SRPK2: variants seen among roughly 807,000 people sequenced by gnomAD.
SRPK2 encodes the protein SFRS protein kinase 2.
Under a neutral mutation model 90.8 loss-of-function variants are expected in SRPK2, and 21 were observed. The observed-to-expected ratio is 0.23, with a 90% CI of 0.16 to 0.33. The LOEUF (loss-of-function observed/expected upper bound fraction) is 0.33, where lower values mean the gene tolerates loss of function less well. SRPK2 is among the 10% of genes least tolerant of loss of function. The probability of loss-of-function intolerance (pLI) is 1.00; values close to 1 mark genes in which losing one functional copy is unlikely to be tolerated. For synonymous variants in SRPK2, 288 were observed against 311.1 expected (o/e 0.93, Z 0.78); for missense variants, 620 against 869.0 (o/e 0.71, Z 3.60).
At chr7:105,127,923 C>A (rs1264398749) in intron 13 of SRPK2, among the ~76,000 whole-genome samples, 1 of 152,230 alleles carries the variant, frequency 6.6e-6, no homozygotes, top group African/African-American at 2.4e-5. Flanking sequence ...AAAAGGTGCT[C>A]AGAGGCCCAA....
At position 105,251,388 on chromosome 7, in the gene SRPK2, GAGAC is replaced by G. The variant is rs368103645; in HGVS notation, c.72-47607_72-47604del. On this transcript the variant is annotated intron_variant, in intron 2 of 15. Coordinates refer to ENST00000393651, the MANE Select transcript of SRPK2 (RefSeq NM_182692.3). ...CAAGCTTTTTTCTTTTCTTTTTTTAGAGACAGGGTCTCACTATGTTACCCAGGCT... is the reference window on the plus strand; with the variant it reads ...CAAGCTTTTTTCTTTTCTTTTTTTAGAGGGTCTCACTATGTTACCCAGGCT... Among the ~76,000 whole-genome samples, 774 of 152,036 alleles carry G rather than the reference GAGAC, an allele frequency of 5.1e-3. 12 individuals carry two copies. In the East Asian group the frequency reaches 0.055, roughly 11 times the overall value.
chr7:105,388,433 C>A (rs916696485), intron 2 of SRPK2, among the ~76,000 whole-genome samples: 1 of 148,100 alleles, frequency 6.8e-6, no homozygotes, highest in East Asian at 2.0e-4. Context: ...GTCGAGGCTC[C>A]GTGATGCTAG....
intron 2 of SRPK2, among the ~76,000 whole-genome samples, chr7:105,237,226 T>C (rs1484319880): frequency 1.3e-5 from 2 of 152,230 alleles, no homozygotes; most frequent in Non-Finnish European, 2.9e-5. Flanking sequence ...TGCCAGATGA[T>C]TTTTTATTTT....
chr7:105,200,570 C>G (rs1795426063), intron 3 of SRPK2, among the ~76,000 whole-genome samples: 2 of 151,992 alleles, frequency 1.3e-5, no homozygotes, highest in Admixed American at 1.3e-4. Flanking sequence ...TAACTCTCAA[C>G]AAAATACTTA....
intron 2 of SRPK2, among the ~76,000 whole-genome samples, chr7:105,285,445 T>G (rs1426660919): frequency 6.7e-6 from 1 of 149,730 alleles, no homozygotes; most frequent in Admixed American, 6.6e-5. Flanking sequence ...ATTTTAAGCA[T>G]GAAACAGTGC....
intron 2 of SRPK2, among the ~76,000 whole-genome samples, chr7:105,380,947 TA>T (rs869039181): frequency 0.4 from 41,826 of 104,008 alleles, 8,349 homozygotes; most frequent in Non-Finnish European, 0.49. Context: ...TTTATTACTT[TA>T]AAAAAAAAAA....
intron 2 of SRPK2, among the ~76,000 whole-genome samples, chr7:105,385,747 G>A (rs917224863): frequency 6.6e-6 from 1 of 152,168 alleles, no homozygotes; most frequent in Non-Finnish European, 1.5e-5. Context: ...TTCAACAGCT[G>A]GGCATGTTAC....
chr7:105,285,207 G>A (rs982005080), intron 2 of SRPK2, among the ~76,000 whole-genome samples: 9 of 151,790 alleles, frequency 5.9e-5, no homozygotes, highest in Non-Finnish European at 1.0e-4. Context: ...GCAACATAGC[G>A]AAACCCTATC....
intron 2 of SRPK2, among the ~76,000 whole-genome samples, chr7:105,348,306 G>A (rs180863404): frequency 1.1e-4 from 17 of 151,968 alleles, no homozygotes; most frequent in African/African-American, 3.9e-4. Flanking sequence ...CCTGACATCA[G>A]GTGATCCACC....
chr7:105,128,708 A>T (rs1432279073), intron 13 of SRPK2, among the ~76,000 whole-genome samples: 1 of 152,206 alleles, frequency 6.6e-6, no homozygotes, highest in Admixed American at 6.5e-5. Flanking sequence ...AATGACTTCA[A>T]TCTGGTTGCA....
intron 3 of SRPK2, 144 bp from the exon 4 acceptor site, chr7:105,169,409 T>A (rs935757410): frequency 1.6e-6 from 1 of 639,378 alleles, no homozygotes; most frequent in Non-Finnish European, 2.6e-6. Flanking sequence ...AATACAACAT[T>A]TTTTTCAGGA....
At chr7:105,324,409 G>A (rs1215031300) in intron 2 of SRPK2, among the ~76,000 whole-genome samples, 2 of 151,798 alleles carry the variant, frequency 1.3e-5, no homozygotes, top group Non-Finnish European at 2.9e-5. Flanking sequence ...TGCAACCTCT[G>A]CCTCCCAAGT....
intron 2 of SRPK2, among the ~76,000 whole-genome samples, chr7:105,222,169 G>C (rs1798173596): frequency 6.6e-6 from 1 of 152,176 alleles, no homozygotes. Flanking sequence ...CACAGTACCA[G>C]AAGTAAAACT....
chr7:105,243,772 GTTA>G (rs1801174757), intron 2 of SRPK2, among the ~76,000 whole-genome samples: 1 of 152,026 alleles, frequency 6.6e-6, no homozygotes, highest in Non-Finnish European at 1.5e-5. Context: ...TTACAAAGAT[GTTA>G]TTATCTCTAA....
chr7:105,154,196 A>G lies in SRPK2; in HGVS notation c.621+6311T>C, dbSNP rs577275229. On this transcript the variant is annotated intron_variant, in intron 7 of 15. Coordinates refer to ENST00000393651, the MANE Select transcript of SRPK2 (RefSeq NM_182692.3). ...TGTACTTCTGAATGTCATCAGGAAG[A>G]AAGTTAAAGCTGCTGTGCCCAGCAC... Among the ~76,000 whole-genome samples, 8 of 152,350 alleles carry G rather than the reference A, an allele frequency of 5.3e-5. No homozygotes were observed. In the South Asian group the frequency reaches 1.7e-3, roughly 32 times the overall value.
chr7:105,267,135 C>T (rs1019260553), intron 2 of SRPK2, among the ~76,000 whole-genome samples: 6 of 152,166 alleles, frequency 3.9e-5, no homozygotes, highest in Admixed American at 3.9e-4. Context: ...CCCTTTCCTT[C>T]AAATAACCAC....
intron 2 of SRPK2, among the ~76,000 whole-genome samples, chr7:105,319,481 T>G (rs1812659396): frequency 8.7e-6 from 1 of 114,298 alleles, no homozygotes; most frequent in African/African-American, 3.4e-5. Context: ...CAACATCCAC[T>G]CTTAAATTTA....
chr7:105,342,132 G>A (rs1043677769), intron 2 of SRPK2, among the ~76,000 whole-genome samples: 2 of 150,722 alleles, frequency 1.3e-5, no homozygotes, highest in African/African-American at 4.9e-5. Context: ...GGGCATGGTG[G>A]CACATGCCTG....
chr7:105,219,863 T>A (rs1797889185), intron 2 of SRPK2, among the ~76,000 whole-genome samples: 1 of 152,216 alleles, frequency 6.6e-6, no homozygotes, highest in African/African-American at 2.4e-5. Flanking sequence ...GCACACAAAA[T>A]TCTGTTTATT....
Sources: gnomAD v4.1 joint callset for allele counts (sites outside exome capture counted in the v4.1 genomes callset) on GRCh38, gnomAD v4.1.1 for gene constraint, MANE v1.5 for transcripts, NCBI Gene and HGNC (gene_info 2026-07-23, HGNC 2026-07-21) for gene names.